Variants in CDX1 observed in about 807,000 individuals in gnomAD.
CDX1 encodes the protein homeobox protein CDX-1.
Under a neutral mutation model 16.9 loss-of-function variants are expected in CDX1, and 9 were observed. That is an observed-to-expected ratio of 0.53 (90% confidence interval 0.32 to 0.93). The LOEUF is 0.93. Ranked by LOEUF, CDX1 falls within the 40% of genes least tolerant of loss-of-function variation. CDX1 has a pLI of 0.04. For synonymous variants in CDX1, 179 were observed against 179.0 expected, an observed-to-expected ratio of 1.00 and a Z score of 0.00; for missense variants, 393 against 386.1, an observed-to-expected ratio of 1.02 and a Z score of -0.15.
chr5:150,170,868 TC>T (rs1365279625), intron 1 of CDX1, among the ~76,000 whole-genome samples: 1 of 152,226 alleles, frequency 6.6e-6, no homozygotes, highest in African/African-American at 2.4e-5. Flanking sequence ...TCTTTTTTTT[TC>T]CTTTTCTCTT....
At chr5:150,178,197 G>A (rs1761593634) in intron 1 of CDX1, among the ~76,000 whole-genome samples, 2 of 150,980 alleles carry the variant, frequency 1.3e-5, no homozygotes, top group South Asian at 4.1e-4. Flanking sequence ...ATTAGGGGAC[G>A]GGAGTTTGCT....
intron 1 of CDX1, among the ~76,000 whole-genome samples, chr5:150,181,162 C>A (rs1410298911): frequency 6.6e-6 from 1 of 152,260 alleles, no homozygotes; most frequent in African/African-American, 2.4e-5. Flanking sequence ...CACAGCTCCT[C>A]ACTGTCAGAC....
rs371135665 is a variant in CDX1, at chr5:150,166,897, G to A, written c.21G>A (p.Leu7=). The A allele has an allele frequency of 6.6e-7, 1 of 1,520,678 alleles. No individual in the cohort carries two copies. Among genetic ancestry groups the A allele is most frequent in the East Asian group, 2.8e-5 (1 of 35,836 alleles). The allele number at this position is 1,520,678 out of a possible 1,614,324, so 94.2% of individuals were successfully genotyped here. A position where few individuals can be genotyped will look rare whatever the true frequency, so the allele number is the denominator to read the frequency against. Residue 7 remains leucine (L), a synonymous_variant, in exon 1 of 3, where the codon CTG becomes CTA. Coordinates refer to ENST00000231656, the MANE Select transcript of CDX1 (RefSeq NM_001804.3). MYVGYV[L]DKDSPVYPGP... is the part of the protein sequence containing the mutation. The stretch of plus-strand genomic sequence containing the variant: ...CCACCATGTATGTGGGCTATGTGCT[G>A]GACAAGGATTCGCCCGTGTACCCCG...
At chr5:150,172,144 C>T (rs928674972) in intron 1 of CDX1, among the ~76,000 whole-genome samples, 1 of 152,228 alleles carries the variant, frequency 6.6e-6, no homozygotes, top group Non-Finnish European at 1.5e-5. Flanking sequence ...CCTGATTCCT[C>T]CTCCCAAGCA....
At chr5:150,182,593 G>C (rs1032144339) in intron 1 of CDX1, among the ~76,000 whole-genome samples, 175 bp from the exon 2 acceptor site, 2 of 152,174 alleles carry the variant, frequency 1.3e-5, no homozygotes, top group African/African-American at 4.8e-5. Flanking sequence ...TGAGTCTGTG[G>C]GTCTGAGTCT....
intron 1 of CDX1, among the ~76,000 whole-genome samples, chr5:150,170,927 G>A (rs763874682): frequency 9.2e-5 from 14 of 151,956 alleles, no homozygotes; most frequent in Non-Finnish European, 2.1e-4. Flanking sequence ...TCATTAGGAT[G>A]GTTACGCATC....
chr5:150,170,603 A>G (rs1415426463), intron 1 of CDX1, among the ~76,000 whole-genome samples: 1 of 152,178 alleles, frequency 6.6e-6, no homozygotes, highest in Non-Finnish European at 1.5e-5. Context: ...CAAGCCAAGC[A>G]GTTCAGGTCA....
At chr5:150,175,594 A>G (rs1761558594) in intron 1 of CDX1, among the ~76,000 whole-genome samples, 1 of 152,176 alleles carries the variant, frequency 6.6e-6, no homozygotes, top group Non-Finnish European at 1.5e-5. Flanking sequence ...GAACCATGAT[A>G]TTAGCAGCCG....
rs912558826 is a variant in CDX1 at position 150,167,334 on chromosome 5, C to A, written c.445+13C>A. 4 of 1,247,210 alleles carry A rather than the reference C, an allele frequency of 3.2e-6. No individual in the cohort carries two copies. The highest frequency in any genetic ancestry group is 1.6e-5 in the African/African-American group (1 of 64,386). The allele number at this position is 1,247,210 out of a possible 1,614,324, so 77.3% of individuals were successfully genotyped here. A position where few individuals can be genotyped will look rare whatever the true frequency, so the allele number is the denominator to read the frequency against. ...GGCGGTGGCAGCGGTAAGGACCCTT[C>A]CCTCGCCCTGCGCCTCTGGACCTGC... On this transcript the variant is annotated intron_variant, in intron 1 of 2. Coordinates refer to ENST00000231656, the MANE Select transcript of CDX1 (RefSeq NM_001804.3).
intron 1 of CDX1, among the ~76,000 whole-genome samples, chr5:150,175,534 C>T (rs1488690817): frequency 6.6e-6 from 1 of 152,050 alleles, no homozygotes; most frequent in Non-Finnish European, 1.5e-5. Flanking sequence ...CCATTGTCCC[C>T]CTTTCCCCGC....
intron 1 of CDX1, 95 bp downstream of exon 1, chr5:150,167,416 C>T (rs1220768556): frequency 1.1e-6 from 1 of 878,912 alleles, no homozygotes; most frequent in South Asian, 5.8e-5. Context: ...CGGCCCTGCT[C>T]GGGTTCCCGG....
intron 1 of CDX1, among the ~76,000 whole-genome samples, chr5:150,176,128 G>A (rs372867112): frequency 1.1e-3 from 172 of 152,258 alleles, no homozygotes; most frequent in African/African-American, 3.9e-3. Flanking sequence ...AGAGTGTGAC[G>A]CTGCTACAAT....
intron 1 of CDX1, among the ~76,000 whole-genome samples, chr5:150,180,246 C>T (rs932178154): frequency 6.6e-6 from 1 of 152,232 alleles, no homozygotes; most frequent in Admixed American, 6.5e-5. Flanking sequence ...AAGGAGGGGC[C>T]CAATCTGGAG....
Position 150,182,754 on chromosome 5 carries a change from C to T in CDX1, c.446-14C>T, listed in dbSNP as rs771838490. On this transcript the variant is annotated splice_polypyrimidine_tract_variant and intron_variant, in intron 1 of 2. Coordinates refer to ENST00000231656, the MANE Select transcript of CDX1 (RefSeq NM_001804.3). ...CTCAACTCACCTTCCTTCCCGGCTC[C>T]TTCTGCTTCTCAGGTAAGACTCGGA... The T allele has an allele frequency of 1.3e-6, 2 of 1,549,612 alleles. No individual in the cohort carries two copies. Among genetic ancestry groups the T allele is most frequent in the Non-Finnish European group, 1.7e-6 (2 of 1,150,146 alleles).
chr5:150,172,555 TA>T (rs1256416686), intron 1 of CDX1, among the ~76,000 whole-genome samples: 1 of 151,902 alleles, frequency 6.6e-6, no homozygotes, highest in African/African-American at 2.4e-5. Flanking sequence ...GTCTGTGAAA[TA>T]AAGACACACT....
chr5:150,169,377 G>A (rs1000469446), intron 1 of CDX1, among the ~76,000 whole-genome samples: 11 of 152,142 alleles, frequency 7.2e-5, no homozygotes, highest in Non-Finnish European at 1.6e-4. Context: ...CTCTCCGAGA[G>A]TAGAGGGAAA....
intron 1 of CDX1, among the ~76,000 whole-genome samples, chr5:150,171,526 C>T (rs943532693): frequency 1.1e-4 from 17 of 152,120 alleles, no homozygotes; most frequent in African/African-American, 3.9e-4. Context: ...TTAGTAGAGA[C>T]GGGGTTTCAC....
intron 1 of CDX1, among the ~76,000 whole-genome samples, chr5:150,177,410 C>A (rs1761581917): frequency 6.6e-6 from 1 of 152,224 alleles, no homozygotes; most frequent in African/African-American, 2.4e-5. Flanking sequence ...GTAAGATCTG[C>A]CCTTCCCCAT....
rs1211299529 is a variant in CDX1 at position 150,184,426 on chromosome 5, G to A, written c.*746G>A. ...TTATTCGGACCAAGCAGAGCTCACA[G>A]CTGGACAGGTGTTGTATATAGAGTG... On this transcript the variant is annotated 3_prime_UTR_variant, in exon 3 of 3. Transcript: ENST00000231656. The A allele has an allele frequency of 2.0e-5, 3 of 152,392 alleles. No individual in the cohort carries two copies. In the East Asian group the frequency reaches 5.8e-4, roughly 29 times the overall value. 9.4% of individuals were successfully genotyped at this position (152,392 alleles called of 1,614,324 possible). A position where few individuals can be genotyped will look rare whatever the true frequency, so the allele number is the denominator to read the frequency against.
Sources: gnomAD v4.1 joint callset for allele counts (sites outside exome capture counted in the v4.1 genomes callset) on GRCh38, gnomAD v4.1.1 for gene constraint, MANE v1.5 for transcripts, NCBI Gene and HGNC (gene_info 2026-07-23, HGNC 2026-07-21) for gene names.